The following EPHA8 variants were observed in gnomAD, a reference collection of about 807,000 sequenced individuals.
EPHA8 encodes the protein ephrin type-A receptor 8.
In EPHA8, 58 loss-of-function variants were observed where a neutral mutation model predicts 103.6. The observed-to-expected ratio is 0.56, with a 90% CI of 0.45 to 0.70. The LOEUF is 0.70. EPHA8 is among the 30% of genes least tolerant of loss of function. EPHA8 has a pLI of 0.00. For missense variants in EPHA8, 1,304 were observed against 1,395.2 expected (o/e 0.93, Z 1.04); for synonymous variants, 559 against 572.5 (o/e 0.98, Z 0.34).
rs576012015 is a variant in EPHA8, at chr1:22,576,152, G to A, written c.160-65G>A. ...CCAGCGTCCCCAGCACAGAACACAGGGTCATTGGCAAAAGAGGGTGAGGTG... is the reference window on the plus strand; with the variant it reads ...CCAGCGTCCCCAGCACAGAACACAGAGTCATTGGCAAAAGAGGGTGAGGTG... On this transcript the variant is annotated intron_variant, in intron 2 of 16. Transcript: ENST00000166244. This position sits in a 1 kb window ranked among gnomAD's most constrained non-coding sequence, Gnocchi z 4.8. 8 of 1,530,008 alleles carry A rather than the reference G, an allele frequency of 5.2e-6. No individual in the cohort carries two copies. The highest frequency in any genetic ancestry group is 2.0e-5 in the Admixed American group (1 of 50,746). The allele number at this position is 1,530,008 out of a possible 1,614,324, so 94.8% of individuals were successfully genotyped here.
At chr1:22,590,970 G>A (rs765154091) in intron 5 of EPHA8, among the ~76,000 whole-genome samples, 6 of 151,058 alleles carry the variant, frequency 4.0e-5, no homozygotes, top group Non-Finnish European at 7.4e-5. Context: ...AAGCCCCAGG[G>A]ACCTCCCTTC....
Position 22,602,073 on chromosome 1 carries a change from T to C in EPHA8, c.*332T>C, listed in dbSNP as rs531849019. On this transcript the variant is annotated 3_prime_UTR_variant, in exon 17 of 17. Coordinates refer to ENST00000166244, the MANE Select transcript of EPHA8 (RefSeq NM_020526.5). ...GTGCATGTGTGTGTGTGGTGGGGGG[T>C]GTTCTCACAAGGTCATGGGATCTCA... is the stretch of plus-strand genomic sequence containing the variant. The C allele has an allele frequency of 6.3e-4, 281 of 446,034 alleles. No individual in the cohort carries two copies. The highest frequency in any genetic ancestry group is 9.0e-4 in the Non-Finnish European group (226 of 252,006). The allele number at this position is 446,034 out of a possible 1,614,324, so 27.6% of individuals were successfully genotyped here.
rs145141625 is a variant in EPHA8, at chr1:22,574,848, C to T, written c.160-1369C>T. Among the ~76,000 whole-genome samples, 7 of 152,346 alleles carry T rather than the reference C, an allele frequency of 4.6e-5. No individual in the cohort carries two copies. The East Asian group carries it at 9.6e-4, about 21-fold the overall frequency. ...TCATATGGTAATTCTATTTTAAACA[C>T]TTTGAGAAGCTGCCATACTGTTTTC... On this transcript the variant is annotated intron_variant, in intron 2 of 16. Coordinates refer to ENST00000166244, the MANE Select transcript of EPHA8 (RefSeq NM_020526.5).
rs995617327 is a variant in EPHA8 at position 22,589,809 on chromosome 1, GAGCCCTCCTAGGGCAGCTTCCTATTA to G, written c.1315+605_1315+630del. Among the ~76,000 whole-genome samples the G allele has an allele frequency of 1.8e-4, 27 of 152,008 alleles. No homozygotes were observed. The highest frequency in any genetic ancestry group is 5.9e-4 in the Admixed American group (9 of 15,266). ...CCCGTCAAGTGACAGCGTGACCCAA[GAGCCCTCCTAGGGCAGCTTCCTATTA>G]ACAGCCACCCTCACCTGTGCCCAAG... is the stretch of plus-strand genomic sequence containing the variant. On this transcript the variant is annotated intron_variant, in intron 5 of 16. Coordinates refer to ENST00000166244, the MANE Select transcript of EPHA8 (RefSeq NM_020526.5). The surrounding 1 kb of genome is among the most constrained non-coding windows in gnomAD (Gnocchi z 4.3).
At chr1:22,572,505 G>A (rs1395970633) in intron 2 of EPHA8, among the ~76,000 whole-genome samples, 10 of 152,176 alleles carry the variant, frequency 6.6e-5, no homozygotes, top group Admixed American at 3.9e-4. Context: ...CTCTGCTCCC[G>A]GGAACTTCCG....
intron 2 of EPHA8, among the ~76,000 whole-genome samples, chr1:22,570,337 CACAT>C (rs1640497926): frequency 1.7e-5 from 2 of 120,030 alleles, no homozygotes; most frequent in African/African-American, 4.1e-5. Context: ...CACGCACATG[CACAT>C]GCGTGGGTAC....
At chr1:22,578,152 G>GTGAGTGTACGCA (rs1640816886) in intron 3 of EPHA8, among the ~76,000 whole-genome samples, 1 of 87,358 alleles carries the variant, frequency 1.1e-5, no homozygotes, top group African/African-American at 4.2e-5. Context: ...GTATGTGTGC[G>GTGAGTGTACGCA]TGTGTGCATG....
At position 22,593,326 on chromosome 1, in the gene EPHA8, C is replaced by T. The variant is rs780557192; in HGVS notation, c.1316C>T (p.Ala439Val). The change falls in exon 6 of 17, where the codon GCC (alanine) becomes GTC (valine). Residue 439 changes from alanine to valine, a missense_variant and splice_region_variant. Ala to Val is a moderately conservative substitution (Grantham distance 64). Coordinates refer to ENST00000166244, the MANE Select transcript of EPHA8 (RefSeq NM_020526.5). ...CATCTGACGGGATTGGCCGCCCCAG[C>T]CCCGTCCCAGGTGGTGGTGATCCGT... Reference protein sequence around the residue: ...AVVNITTNQAAPSQVVVIRQE... With the variant: ...AVVNITTNQAVPSQVVVIRQE... The T allele has an allele frequency of 3.2e-6, 5 of 1,564,012 alleles. No homozygotes were observed. Among genetic ancestry groups the T allele is most frequent in the African/African-American group, 1.3e-5 (1 of 74,198 alleles).
At chr1:22,600,511 C>A in intron 13 of EPHA8, 150 bp from the exon 14 acceptor site, 1 of 1,089,112 alleles carries the variant, frequency 9.2e-7, no homozygotes, top group Non-Finnish European at 1.3e-6. Flanking sequence ...GTGAGGCCTC[C>A]CTCAGGACAG....
rs1466759802 is a variant in EPHA8 at position 22,576,644 on chromosome 1, C to T, written c.587C>T (p.Ser196Phe). The T allele has an allele frequency of 3.1e-6, 5 of 1,613,786 alleles. No homozygotes were observed. Among genetic ancestry groups the T allele is most frequent in the Admixed American group, 1.7e-5 (1 of 60,006 alleles). Reference sequence around the variant, plus strand: ...ATAGGTGCCTGCCTGGCCATCCTCTCTCTCCGCATCTACTATAAGAAGTGC... The same window carrying T: ...ATAGGTGCCTGCCTGGCCATCCTCTTTCTCCGCATCTACTATAAGAAGTGC... ...QDIGACLAIL[S>F]LRIYYKKCPA... is the part of the protein sequence containing the mutation. Residue 196 changes from serine to phenylalanine, a missense_variant, in exon 3 of 17, where the codon TCT (serine) becomes TTT (phenylalanine). Ser to Phe is a radical substitution (Grantham distance 155). Transcript: ENST00000166244. This position sits in a 1 kb window ranked among gnomAD's most constrained non-coding sequence, Gnocchi z 4.8.
chr1:22,600,264 AAGGG>A (rs1641684347), intron 13 of EPHA8, among the ~76,000 whole-genome samples: 1 of 135,580 alleles, frequency 7.4e-6, no homozygotes, highest in Non-Finnish European at 1.6e-5. Flanking sequence ...AGGAAGGAAG[AAGGG>A]AAGGAAGGAA....
In EPHA8 at chr1:22,602,095, C is replaced by G. The variant is rs1399479364; in HGVS notation, c.*354C>G. On this transcript the variant is annotated 3_prime_UTR_variant, in exon 17 of 17. Coordinates refer to ENST00000166244, the MANE Select transcript of EPHA8 (RefSeq NM_020526.5). ...GGGTGTTCTCACAAGGTCATGGGAT[C>G]TCATGTGAACAGTGTGTGATCAAGT... The G allele has an allele frequency of 2.5e-6, 1 of 396,726 alleles. No homozygotes were observed. The highest frequency in any genetic ancestry group is 4.5e-6 in the Non-Finnish European group (1 of 221,882). The allele number at this position is 396,726 out of a possible 1,614,324, so 24.6% of individuals were successfully genotyped here.
chr1:22,577,044 T>C (rs761711028), intron 3 of EPHA8, among the ~76,000 whole-genome samples, 164 bp downstream of exon 3: 2 of 152,120 alleles, frequency 1.3e-5, no homozygotes, highest in African/African-American at 4.8e-5. Context: ...TCAGGAAATA[T>C]GCGAGGCCAC....
chr1:22,593,769 G>A, intron 7 of EPHA8, 83 bp downstream of exon 7: 2 of 1,423,330 alleles, frequency 1.4e-6, no homozygotes, highest in Non-Finnish European at 1.8e-6. Context: ...GAGAGAGCTA[G>A]TGCAGGCTGA....
Position 22,601,493 on chromosome 1 carries a change from G to A in EPHA8, c.2903+20G>A. The A allele has an allele frequency of 6.2e-7, 1 of 1,608,652 alleles. No homozygotes were observed. The highest frequency in any genetic ancestry group is 8.5e-7 in the Non-Finnish European group (1 of 1,179,332). On this transcript the variant is annotated intron_variant, in intron 16 of 16. Transcript: ENST00000166244. The stretch of plus-strand genomic sequence containing the variant: ...CGCCCAGTGAGTGATGGGTGGGGCT[G>A]GGGCCCCATGCGTGTGGGGGCAGGG...
intron 3 of EPHA8, among the ~76,000 whole-genome samples, chr1:22,578,661 GTGTA>G (rs1202907260): frequency 6.7e-5 from 10 of 149,958 alleles, no homozygotes; most frequent in East Asian, 2.0e-4. Flanking sequence ...GTGCATGTGA[GTGTA>G]TGTATGCATT....
chr1:22,563,490 T>A lies in EPHA8; in HGVS notation c.-146T>A, dbSNP rs1344883237. 7.0e-6 allele frequency: 1 copy of A among 143,422 alleles called. No individual in the cohort carries two copies. Among genetic ancestry groups the A allele is most frequent in the African/African-American group, 2.5e-5 (1 of 39,514 alleles). The allele number at this position is 143,422 out of a possible 1,614,324, so 8.9% of individuals were successfully genotyped here. A position where few individuals can be genotyped will look rare whatever the true frequency, so the allele number is the denominator to read the frequency against. On this transcript the variant is annotated 5_prime_UTR_variant, in exon 1 of 17. Transcript: ENST00000166244. This position sits in a 1 kb window ranked among gnomAD's most constrained non-coding sequence, Gnocchi z 4.4. The stretch of plus-strand genomic sequence containing the variant: ...GCGGCGGCGGGCGCGGGTGCCCGCG[T>A]GTGCGCTGGGAGCCGCGTGTGCGCC...
Position 22,600,644 on chromosome 1 carries a change from T to C in EPHA8, c.2389-17T>C. ...CCAGGCCTGGGCAGCCCCTCAACTCTTGTGTGTCCGTCGCAGGGCGGGAAG... is the reference window on the plus strand; with the variant it reads ...CCAGGCCTGGGCAGCCCCTCAACTCCTGTGTGTCCGTCGCAGGGCGGGAAG... On this transcript the variant is annotated splice_polypyrimidine_tract_variant and intron_variant, in intron 13 of 16. Transcript: ENST00000166244. 6.2e-7 allele frequency: 1 copy of C among 1,612,164 alleles called. No homozygotes were observed. Among genetic ancestry groups the C allele is most frequent in the Non-Finnish European group, 8.5e-7 (1 of 1,179,434 alleles).
chr1:22,598,017 C>G lies in EPHA8; in HGVS notation c.2117-134C>G. On this transcript the variant is annotated intron_variant, in intron 11 of 16. Transcript: ENST00000166244. The surrounding 1 kb of genome is among the most constrained non-coding windows in gnomAD (Gnocchi z 5.1). ...CTCGGGGTGCCCAGAGCCTGGGACC[C>G]CAGTGGAAACCCAAGGCACCCTGGG... 2 of 1,407,682 alleles carry G rather than the reference C, an allele frequency of 1.4e-6. No individual in the cohort carries two copies. The highest frequency in any genetic ancestry group is 9.9e-7 in the Non-Finnish European group (1 of 1,008,002). 87.2% of individuals were successfully genotyped at this position (1,407,682 alleles called of 1,614,324 possible).
Sources: allele counts gnomAD v4.1 joint callset (sites outside exome capture counted in the v4.1 genomes callset), GRCh38; gene constraint gnomAD v4.1.1; non-coding constraint Gnocchi (gnomAD v3.1); transcripts MANE v1.5; gene names NCBI Gene and HGNC (gene_info 2026-07-23, HGNC 2026-07-21).